Variants in EPB41L1 observed in about 807,000 individuals in gnomAD.
The protein encoded by EPB41L1 is erythrocyte membrane protein band 4.1 like 1, also known as band 4.1-like protein 1.
Under a neutral mutation model 97.8 loss-of-function variants are expected in EPB41L1, and 29 were observed. That is an observed-to-expected ratio of 0.30 (90% confidence interval 0.22 to 0.40). The LOEUF is 0.40. Ranked by LOEUF, EPB41L1 falls within the 10% of genes least tolerant of loss-of-function variation. The pLI, the probability that EPB41L1 is intolerant of heterozygous loss-of-function variation, is 1.00. For synonymous variants in EPB41L1, 383 were observed against 459.2 expected (o/e 0.83, Z 2.12); for missense variants, 812 against 1,162.3 (o/e 0.70, Z 4.38).
In EPB41L1 at chr20:36,195,801, C is replaced by G. The variant is rs374557862; in HGVS notation, c.1485+437C>G. The stretch of plus-strand genomic sequence containing the variant: ...GGTCTCGCCTCCATCTCGTCTGTGT[C>G]CCCTGTGTCCTCACCCCTAGCTTCT... On this transcript the variant is annotated intron_variant, in intron 13 of 21. Transcript: ENST00000338074. The surrounding 1 kb of genome is among the most constrained non-coding windows in gnomAD (Gnocchi z 4.6). Among the ~76,000 whole-genome samples, 1 of 152,286 alleles carries G rather than the reference C, an allele frequency of 6.6e-6. No homozygotes were observed. Among genetic ancestry groups the G allele is most frequent in the African/African-American group, 2.4e-5 (1 of 41,566 alleles).
intron 5 of EPB41L1, among the ~76,000 whole-genome samples, chr20:36,180,718 A>G (rs77650926): frequency 0.011 from 1,719 of 152,312 alleles, 35 homozygotes; most frequent in African/African-American, 0.038. Context: ...TGAGTATTAC[A>G]TGTAGAATGG....
chr20:36,092,502 T>C lies in EPB41L1; in HGVS notation c.-65+890T>C, dbSNP rs2057686970. ...CCCCAGCTCCGGCGGCTCCGGCGGC[T>C]CCGGCGCTCCCCTGGTGTTGGCTGC... On this transcript the variant is annotated intron_variant, in intron 1 of 19. Coordinates refer to the EPB41L1 transcript ENST00000202028. This position sits in a 1 kb window ranked among gnomAD's most constrained non-coding sequence, Gnocchi z 7.0. 6.6e-6 allele frequency among the ~76,000 whole-genome samples: 1 copy of C among 151,790 alleles called. No individual in the cohort carries two copies. Among genetic ancestry groups the C allele is most frequent in the African/African-American group, 2.4e-5 (1 of 41,360 alleles).
At chr20:36,218,726 T>A (rs1183478236) in intron 17 of EPB41L1, 150 bp from the exon 18 acceptor site, 5 of 740,312 alleles carry the variant, frequency 6.8e-6, no homozygotes, top group Non-Finnish European at 9.6e-6. Flanking sequence ...AAGGGATGAA[T>A]GAGGCGGAAC....
At chr20:36,215,585 C>T (rs1346039016) in intron 17 of EPB41L1, among the ~76,000 whole-genome samples, 1 of 152,212 alleles carries the variant, frequency 6.6e-6, no homozygotes, top group African/African-American at 2.4e-5. Context: ...GCACACCTTT[C>T]CCTGGTCACT....
At chr20:36,225,292 T>G (rs1320480270) in intron 21 of EPB41L1, among the ~76,000 whole-genome samples, 1 of 152,254 alleles carries the variant, frequency 6.6e-6, no homozygotes, top group African/African-American at 2.4e-5. Context: ...TCATTCTTCC[T>G]TTATTCCTCC....
At chr20:36,096,102 G>A (rs1461294348) in intron 1 of EPB41L1, among the ~76,000 whole-genome samples, 1 of 152,094 alleles carries the variant, frequency 6.6e-6, no homozygotes, top group Non-Finnish European at 1.5e-5. Context: ...TGGAGGTGTG[G>A]CCCAGCAATC....
chr20:36,141,443 G>T (rs1291231548), intron 2 of EPB41L1, among the ~76,000 whole-genome samples: 2 of 152,150 alleles, frequency 1.3e-5, no homozygotes, highest in Admixed American at 1.3e-4. Flanking sequence ...GAGGGCCTGT[G>T]TCAGGAGACT....
At chr20:36,171,133 CT>C (rs11484332) in intron 1 of EPB41L1, among the ~76,000 whole-genome samples, 8,559 of 144,564 alleles carry the variant, frequency 0.059, 281 homozygotes, top group African/African-American at 0.11. Context: ...GTCTGTGATG[CT>C]TTTTTTTTTT....
In EPB41L1 at chr20:36,218,882, A is replaced by C. The variant is rs771725212; in HGVS notation, c.2275A>C (p.Ser759Arg). Reference sequence around the variant, plus strand: ...AGCACTATTGTTTCCCCAGGAGAACAGTCTCAAGTCCGGGAAGGGGGCAGC... The same window carrying C: ...AGCACTATTGTTTCCCCAGGAGAACCGTCTCAAGTCCGGGAAGGGGGCAGC... ...TETISTTMEN[S>R]LKSGKGAAAM... Residue 759 changes from serine (S) to arginine (R), a missense_variant, in exon 18 of 22, where the codon AGT becomes CGT. By Grantham distance (110) the Ser-to-Arg change is moderately radical. Coordinates refer to ENST00000338074, the MANE Select transcript of EPB41L1 (RefSeq NM_012156.2). 1 of 1,614,146 alleles carries C rather than the reference A, an allele frequency of 6.2e-7. No homozygotes were observed. The highest frequency in any genetic ancestry group is 1.3e-5 in the African/African-American group (1 of 75,066).
chr20:36,213,203 G>C (rs898896251), intron 16 of EPB41L1, among the ~76,000 whole-genome samples: 6 of 152,154 alleles, frequency 3.9e-5, no homozygotes, highest in African/African-American at 1.4e-4. Context: ...TACAAGACCA[G>C]CCTGGGCAAT....
At chr20:36,141,395 A>G (rs1382161185) in intron 2 of EPB41L1, among the ~76,000 whole-genome samples, 1 of 151,846 alleles carries the variant, frequency 6.6e-6, no homozygotes, top group Non-Finnish European at 1.5e-5. Flanking sequence ...TTAGGTTTCT[A>G]TGCATGAATA....
At chr20:36,169,565 G>T (rs1173955501) in intron 1 of EPB41L1, among the ~76,000 whole-genome samples, 2 of 152,118 alleles carry the variant, frequency 1.3e-5, no homozygotes, top group Non-Finnish European at 2.9e-5. Context: ...AGGCTGTTTG[G>T]TGCTCACCTT....
chr20:36,110,452 G>A (rs112816862), intron 1 of EPB41L1, among the ~76,000 whole-genome samples: 1 of 152,132 alleles, frequency 6.6e-6, no homozygotes, highest in Non-Finnish European at 1.5e-5. Context: ...CTCCTGCCCA[G>A]TCCCCAGAGA....
intron 2 of EPB41L1, among the ~76,000 whole-genome samples, chr20:36,137,080 T>TG (rs1569102722): frequency 6.7e-6 from 1 of 149,712 alleles, no homozygotes; most frequent in African/African-American, 2.4e-5. Context: ...CCTTTCCTTT[T>TG]TTTTTTTTTT....
At chr20:36,125,559 G>T in intron 2 of EPB41L1, 1 of 1,534,626 alleles carries the variant, frequency 6.5e-7, no homozygotes, top group South Asian at 1.2e-5. Flanking sequence ...AACAGTGGGG[G>T]ATTCAGAAAG....
chr20:36,095,541 C>T (rs553433961), intron 1 of EPB41L1, among the ~76,000 whole-genome samples: 14 of 152,340 alleles, frequency 9.2e-5, no homozygotes, highest in Admixed American at 7.8e-4. Flanking sequence ...AGCTAGTGGG[C>T]TAGATTTTGG....
chr20:36,131,509 G>A (rs1342163894), intron 2 of EPB41L1, among the ~76,000 whole-genome samples: 1 of 152,120 alleles, frequency 6.6e-6, no homozygotes, highest in African/African-American at 2.4e-5. Flanking sequence ...TAAGGCGGGA[G>A]GCAGAATAGG....
At position 36,093,492 on chromosome 20, in the gene EPB41L1, G is replaced by A. The variant is rs1006407160; in HGVS notation, c.-65+1880G>A. ...GCGGTCCAGGCGCCGCCGCCGCTGGGAGCTGGGCACCTGGCCTGGGCGGTG... is the reference window on the plus strand; with the variant it reads ...GCGGTCCAGGCGCCGCCGCCGCTGGAAGCTGGGCACCTGGCCTGGGCGGTG... On this transcript the variant is annotated intron_variant, in intron 1 of 19. Transcript: ENST00000202028. This position sits in a 1 kb window ranked among gnomAD's most constrained non-coding sequence, Gnocchi z 5.4. Among the ~76,000 whole-genome samples the A allele has an allele frequency of 1.2e-4, 19 of 152,008 alleles. No homozygotes were observed. The highest frequency in any genetic ancestry group is 4.6e-4 in the African/African-American group (19 of 41,420).
rs551275900 is a variant in EPB41L1 at position 36,149,706 on chromosome 20, C to G, written c.-9-25845C>G. 5.2e-5 allele frequency: 8 copies of G among 152,482 alleles called. No homozygotes were observed. The East Asian group carries it at 1.5e-3, about 29-fold the overall frequency. 9.4% of individuals were successfully genotyped at this position (152,482 alleles called of 1,614,324 possible). On this transcript the variant is annotated intron_variant, in intron 2 of 19. Coordinates refer to the EPB41L1 transcript ENST00000202028. ...AAGTTTGGCTCCGCTAGCTCCCTCC[C>G]TCTGGCCCAGCTCCCAGTGGCCTGG... is the stretch of plus-strand genomic sequence containing the variant.
Sources: gnomAD v4.1 joint callset for allele counts (sites outside exome capture counted in the v4.1 genomes callset) on GRCh38, gnomAD v4.1.1 for gene constraint, Gnocchi (gnomAD v3.1) non-coding constraint, MANE v1.5 for transcripts, NCBI Gene and HGNC (gene_info 2026-07-23, HGNC 2026-07-21) for gene names.